Variants in DPP6 observed in about 807,000 individuals in gnomAD.
The protein encoded by DPP6 is dipeptidyl peptidase like 6.
In DPP6, 69 loss-of-function variants were observed where a neutral mutation model predicts 122.6. That is an observed-to-expected ratio of 0.56 (90% CI 0.46 to 0.69). The LOEUF is 0.69. DPP6 is among the 30% of genes least tolerant of loss of function. The probability of loss-of-function intolerance (pLI) is 0.00; values close to 1 mark genes in which losing one functional copy is unlikely to be tolerated. For synonymous variants in DPP6, 418 were observed against 433.1 expected (o/e 0.97, Z 0.43); for missense variants, 928 against 1,116.9 (o/e 0.83, Z 2.41).
intron 1 of DPP6, among the ~76,000 whole-genome samples, chr7:153,990,349 A>G (rs1375396435): frequency 9.7e-5 from 10 of 103,166 alleles, no homozygotes; most frequent in Admixed American, 6.0e-4. Context: ...TGCCTCCGAG[A>G]CATCCTTCTG....
chr7:154,588,640 G>A (rs1832623419), intron 5 of DPP6: 1 of 151,920 alleles, frequency 6.6e-6, no homozygotes, highest in African/African-American at 2.4e-5. Flanking sequence ...AATACCTATG[G>A]GCCTCACTGA....
At chr7:154,056,878 T>C (rs1471542219) in intron 1 of DPP6, among the ~76,000 whole-genome samples, 1 of 152,254 alleles carries the variant, frequency 6.6e-6, no homozygotes, top group African/African-American at 2.4e-5. Context: ...TTCTTCTGTT[T>C]CAACTGTAAT....
intron 1 of DPP6, among the ~76,000 whole-genome samples, chr7:154,060,364 GCCAGCCC>G (rs1563149745): frequency 0.01 from 1,237 of 123,056 alleles, 59 homozygotes; most frequent in South Asian, 0.024. Flanking sequence ...GGGACTGAGA[GCCAGCCC>G]CTGGTTCCCC....
At chr7:154,806,795 A>G (rs1048500057) in intron 15 of DPP6, among the ~76,000 whole-genome samples, 199 bp from the exon 16 acceptor site, 6 of 152,140 alleles carry the variant, frequency 3.9e-5, no homozygotes, top group African/African-American at 7.2e-5. Context: ...AGTGGGAGGG[A>G]CCCACCAGCA....
chr7:154,113,422 C>G (rs1220663220), intron 1 of DPP6, among the ~76,000 whole-genome samples: 3 of 151,282 alleles, frequency 2.0e-5, no homozygotes, highest in East Asian at 3.9e-4. Flanking sequence ...TACACACACA[C>G]ACACACACAT....
At chr7:154,698,871 T>C (rs1041716627) in intron 7 of DPP6, among the ~76,000 whole-genome samples, 1 of 152,232 alleles carries the variant, frequency 6.6e-6, no homozygotes, top group Non-Finnish European at 1.5e-5. Flanking sequence ...GTGATTCCCC[T>C]GCTCATCCTC....
At chr7:153,792,504 C>T in the DPP6 span, among the ~76,000 whole-genome samples, 1 of 152,042 alleles carries the variant, frequency 6.6e-6, no homozygotes, top group Non-Finnish European at 1.5e-5. Context: ...TGTGAAAAGG[C>T]TTTTTTAGCA....
At chr7:154,301,786 CTTT>C (rs869114137) in intron 1 of DPP6, among the ~76,000 whole-genome samples, 2 of 119,810 alleles carry the variant, frequency 1.7e-5, no homozygotes, top group African/African-American at 6.2e-5. Context: ...GATCTGCCCT[CTTT>C]TTTTTTTTTT....
chr7:154,296,915 G>A (rs1427454820), intron 1 of DPP6, among the ~76,000 whole-genome samples: 3 of 152,224 alleles, frequency 2.0e-5, no homozygotes, highest in Non-Finnish European at 4.4e-5. Context: ...TTTAACCATG[G>A]ATGGATCTGT....
intron 1 of DPP6, among the ~76,000 whole-genome samples, chr7:154,309,779 T>C (rs1245809791): frequency 6.6e-6 from 1 of 152,158 alleles, no homozygotes; most frequent in African/African-American, 2.4e-5. Context: ...CACATAACTA[T>C]TGAGGAGTCC....
At chr7:154,478,657 C>T (rs1822966475) in intron 3 of DPP6, among the ~76,000 whole-genome samples, 1 of 152,014 alleles carries the variant, frequency 6.6e-6, no homozygotes, top group African/African-American at 2.4e-5. Context: ...ATCAATATCA[C>T]AAAGTTTGTA....
chr7:153,965,977 A>G (rs1464823788), intron 1 of DPP6, among the ~76,000 whole-genome samples: 9 of 151,298 alleles, frequency 5.9e-5, no homozygotes, highest in South Asian at 2.1e-4. Context: ...AGAAAGTCAC[A>G]CTAGAAAGAC....
At chr7:154,707,962 A>G (rs911088697) in intron 7 of DPP6, among the ~76,000 whole-genome samples, 1 of 152,228 alleles carries the variant, frequency 6.6e-6, no homozygotes, top group Non-Finnish European at 1.5e-5. Flanking sequence ...AAACCATGTC[A>G]TCCTCTATCC....
At chr7:154,390,408 A>AG (rs1814514770) in intron 1 of DPP6, among the ~76,000 whole-genome samples, 2 of 151,948 alleles carry the variant, frequency 1.3e-5, no homozygotes, top group South Asian at 4.2e-4. Context: ...GGAGAGTTTG[A>AG]GTTTTTTTTA....
the DPP6 span, among the ~76,000 whole-genome samples, chr7:153,841,393 G>T: frequency 6.6e-6 from 1 of 152,280 alleles, no homozygotes; most frequent in Admixed American, 6.5e-5. Context: ...CAAGATCCAA[G>T]ATTTCGTCTT....
At chr7:154,184,785 T>C (rs531528789) in intron 1 of DPP6, among the ~76,000 whole-genome samples, 53 of 152,232 alleles carry the variant, frequency 3.5e-4, no homozygotes, top group African/African-American at 1.2e-3. Context: ...GCCTGTTTGA[T>C]GCCTTACTAA....
chr7:154,794,279 C>A, intron 11 of DPP6, 77 bp downstream of exon 11: 1 of 1,466,998 alleles, frequency 6.8e-7, no homozygotes, highest in South Asian at 1.4e-5. Flanking sequence ...GCGCCAGAGT[C>A]GTCTCAGCCC....
chr7:153,890,683 C>CTTTTTT (rs34345128), intron 1 of DPP6, among the ~76,000 whole-genome samples: 5 of 81,990 alleles, frequency 6.1e-5, no homozygotes, highest in African/African-American at 1.7e-4. Flanking sequence ...CAGTTTAGAA[C>CTTTTTT]TTTTTTTTTT....
chr7:154,572,819 A>G (rs1352817624), intron 5 of DPP6, among the ~76,000 whole-genome samples: 5 of 151,708 alleles, frequency 3.3e-5, no homozygotes, highest in Non-Finnish European at 7.4e-5. Flanking sequence ...AGCTGGGATT[A>G]TGGGCACGCA....
Sources: allele counts gnomAD v4.1 joint callset (sites outside exome capture counted in the v4.1 genomes callset), GRCh38; gene constraint gnomAD v4.1.1; transcripts MANE v1.5; gene names NCBI Gene and HGNC (gene_info 2026-07-23, HGNC 2026-07-21).